Variants in TNNI3K observed in about 807,000 individuals in gnomAD.
TNNI3K encodes the protein TNNI3 interacting kinase.
In TNNI3K, 140 loss-of-function variants were observed where a neutral mutation model predicts 114.5. The ratio of observed to expected loss-of-function variants is 1.22; its 90% CI spans 1.07 to 1.41. The LOEUF (loss-of-function observed/expected upper bound fraction) is 1.41, where lower values mean the gene tolerates loss of function less well. Among genes scored for constraint, TNNI3K ranks in the 40% most tolerant of loss-of-function variants. TNNI3K has a pLI of 0.00. For synonymous variants in TNNI3K, 347 were observed against 347.5 expected, an observed-to-expected ratio of 1.00 and a Z score of 0.02; for missense variants, 1,125 against 1,007.6, an observed-to-expected ratio of 1.12 and a Z score of -1.58.
chr1:74,510,503 G>A (rs908394752), intron 23 of TNNI3K, among the ~76,000 whole-genome samples: 9 of 152,012 alleles, frequency 5.9e-5, no homozygotes, highest in East Asian at 1.9e-4. Flanking sequence ...GTGAGACTCC[G>A]TCTCAAAAAA....
intron 23 of TNNI3K, among the ~76,000 whole-genome samples, chr1:74,531,938 C>T (rs1646591653): frequency 2.6e-5 from 4 of 152,132 alleles, no homozygotes; most frequent in Non-Finnish European, 4.4e-5. Flanking sequence ...ATTAAAAATC[C>T]AAATGGCTAA....
At chr1:74,334,800 T>C (rs1660383440) in intron 6 of TNNI3K, among the ~76,000 whole-genome samples, 1 of 152,130 alleles carries the variant, frequency 6.6e-6, no homozygotes, top group African/African-American at 2.4e-5. Context: ...TCAAGTCAAC[T>C]ACCACTGGCT....
chr1:74,420,712 A>T (rs989467715), intron 17 of TNNI3K, among the ~76,000 whole-genome samples: 1 of 152,166 alleles, frequency 6.6e-6, no homozygotes, highest in Non-Finnish European at 1.5e-5. Flanking sequence ...TGTTCCGCAG[A>T]TGCCAGTTTT....
chr1:74,449,273 G>A (rs1417225062), intron 20 of TNNI3K, among the ~76,000 whole-genome samples: 2 of 151,680 alleles, frequency 1.3e-5, no homozygotes, highest in East Asian at 3.9e-4. Flanking sequence ...AGTATTCTCT[G>A]ATGGTAGTTT....
chr1:74,465,941 C>T (rs939091289), intron 21 of TNNI3K, among the ~76,000 whole-genome samples: 8 of 152,174 alleles, frequency 5.3e-5, no homozygotes, highest in African/African-American at 1.7e-4. Context: ...AGCAGTAAGC[C>T]ACTCTGGTCA....
intron 4 of TNNI3K, among the ~76,000 whole-genome samples, chr1:74,255,204 A>G (rs899518256): frequency 1.3e-5 from 2 of 151,924 alleles, no homozygotes; most frequent in African/African-American, 4.8e-5. Flanking sequence ...AATACAAAAA[A>G]TTAGCCGGGC....
intron 17 of TNNI3K, among the ~76,000 whole-genome samples, chr1:74,416,055 A>G (rs948526950): frequency 4.6e-5 from 7 of 152,102 alleles, no homozygotes; most frequent in African/African-American, 1.7e-4. Context: ...CTCCACCTCA[A>G]AATTTCAGTT....
At chr1:74,376,969 C>G (rs1662939557) in intron 17 of TNNI3K, 1 of 152,018 alleles carries the variant, frequency 6.6e-6, no homozygotes, top group Admixed American at 6.6e-5. Flanking sequence ...TGCAGTGGTT[C>G]TCAGTTTGGC....
At chr1:74,496,772 G>A (rs1014308500) in intron 23 of TNNI3K, among the ~76,000 whole-genome samples, 2 of 152,070 alleles carry the variant, frequency 1.3e-5, no homozygotes, top group African/African-American at 2.4e-5. Flanking sequence ...AAAATATTTT[G>A]TGCCTCTAGA....
At chr1:74,399,573 G>GC (rs1246039938) in intron 17 of TNNI3K, among the ~76,000 whole-genome samples, 1 of 152,072 alleles carries the variant, frequency 6.6e-6, no homozygotes, top group Non-Finnish European at 1.5e-5. Flanking sequence ...GCTGGGTGGG[G>GC]CCGGGGGGCG....
intron 23 of TNNI3K, among the ~76,000 whole-genome samples, chr1:74,511,379 G>A (rs1364697872): frequency 6.6e-6 from 1 of 152,108 alleles, no homozygotes; most frequent in Non-Finnish European, 1.5e-5. Context: ...TTTTAGTAGA[G>A]ATAGGGTTTT....
intron 5 of TNNI3K, among the ~76,000 whole-genome samples, chr1:74,293,239 A>G (rs898078882): frequency 6.6e-6 from 1 of 151,640 alleles, no homozygotes; most frequent in African/African-American, 2.4e-5. Context: ...CATTTGCTCC[A>G]TCTTGTCTTA....
chr1:74,257,652 T>A (rs1655398020), intron 4 of TNNI3K, among the ~76,000 whole-genome samples: 1 of 148,392 alleles, frequency 6.7e-6, no homozygotes, highest in Non-Finnish European at 1.5e-5. Flanking sequence ...ACTTAGCCTC[T>A]TGGCTTACCT....
At chr1:74,343,231 G>T (rs1415157396) in intron 9 of TNNI3K, 52 bp downstream of exon 9, 1 of 1,545,762 alleles carries the variant, frequency 6.5e-7, no homozygotes, top group Non-Finnish European at 8.8e-7. Context: ...ACACTCTAAA[G>T]CACCTGAAGT....
intron 17 of TNNI3K, among the ~76,000 whole-genome samples, chr1:74,409,099 ATTAT>A (rs1392940766): frequency 5.3e-5 from 8 of 152,160 alleles, no homozygotes; most frequent in Non-Finnish European, 8.8e-5. Flanking sequence ...TTTTCTATTC[ATTAT>A]TTATTTGATC....
chr1:74,273,029 A>G (rs977711477), intron 5 of TNNI3K, among the ~76,000 whole-genome samples: 1 of 151,928 alleles, frequency 6.6e-6, no homozygotes, highest in Non-Finnish European at 1.5e-5. Flanking sequence ...TTGCAATTCA[A>G]TTATACCTTC....
At chr1:74,327,906 T>A (rs1224496409) in intron 5 of TNNI3K, among the ~76,000 whole-genome samples, 2 of 151,038 alleles carry the variant, frequency 1.3e-5, no homozygotes, top group Non-Finnish European at 3.0e-5. Context: ...AGAAAAAAAA[T>A]CATGACCATA....
At chr1:74,351,577 C>T (rs1371719030) in intron 9 of TNNI3K, among the ~76,000 whole-genome samples, 2 of 152,116 alleles carry the variant, frequency 1.3e-5, no homozygotes, top group Non-Finnish European at 2.9e-5. Flanking sequence ...AACTTGGTTC[C>T]ATTCTCCCTG....
At chr1:74,501,375 C>G (rs1328666201) in intron 23 of TNNI3K, among the ~76,000 whole-genome samples, 6 of 152,172 alleles carry the variant, frequency 3.9e-5, no homozygotes, top group Non-Finnish European at 7.3e-5. Flanking sequence ...AGACCTGCTC[C>G]ATACTTTTCT....
Sources: allele counts gnomAD v4.1 joint callset (sites outside exome capture counted in the v4.1 genomes callset), GRCh38; gene constraint gnomAD v4.1.1; transcripts MANE v1.5; gene names NCBI Gene and HGNC (gene_info 2026-07-23, HGNC 2026-07-21).